OCLN: variants seen among roughly 807,000 people sequenced by gnomAD.
The protein encoded by OCLN is occludin.
Under a neutral mutation model 47.9 loss-of-function variants are expected in OCLN, and 21 were observed. The ratio of observed to expected loss-of-function variants is 0.44; its 90% CI spans 0.31 to 0.63. The LOEUF (loss-of-function observed/expected upper bound fraction) is 0.63. Among genes scored for constraint, OCLN ranks in the 30% least tolerant of loss-of-function variants. OCLN has a pLI of 0.08. For synonymous variants in OCLN, 117 were observed against 198.4 expected, an observed-to-expected ratio of 0.59 and a Z score of 3.45; for missense variants, 360 against 571.0, an observed-to-expected ratio of 0.63 and a Z score of 3.77.
intron 4 of OCLN, among the ~76,000 whole-genome samples, chr5:69,533,919 C>G (rs910263812): frequency 1.3e-5 from 2 of 152,204 alleles, no homozygotes; most frequent in Admixed American, 6.5e-5. Flanking sequence ...CTCAGCCTCC[C>G]CAAGTGCTGG....
intron 1 of OCLN, among the ~76,000 whole-genome samples, chr5:69,501,146 A>T (rs1195689931): frequency 1.3e-5 from 2 of 152,062 alleles, no homozygotes; most frequent in African/African-American, 4.8e-5. Flanking sequence ...CGAACTCCTG[A>T]CCTAGGGTGA....
At chr5:69,499,003 T>TA (rs1162786948) in intron 1 of OCLN, among the ~76,000 whole-genome samples, 1 of 152,164 alleles carries the variant, frequency 6.6e-6, no homozygotes, top group East Asian at 1.9e-4. Context: ...AAATAATCTC[T>TA]AGTTATAATA....
intron 3 of OCLN, among the ~76,000 whole-genome samples, chr5:69,511,241 A>ATTTTT (rs56327483): frequency 7.0e-6 from 1 of 142,710 alleles, no homozygotes; most frequent in Non-Finnish European, 1.5e-5. Flanking sequence ...CGCCCAGCTA[A>ATTTTT]TTTTTTTTTT....
chr5:69,516,794 C>CA (rs1395219127), intron 4 of OCLN, among the ~76,000 whole-genome samples: 1 of 152,038 alleles, frequency 6.6e-6, no homozygotes, highest in Non-Finnish European at 1.5e-5. Flanking sequence ...TGGTGGCTCA[C>CA]ACTTGGAATC....
At chr5:69,510,301 T>C (rs1768743546) in intron 3 of OCLN, among the ~76,000 whole-genome samples, 1 of 152,214 alleles carries the variant, frequency 6.6e-6, no homozygotes. Flanking sequence ...CATTCTCTCA[T>C]TCCTTTTTAT....
intron 2 of OCLN, 142 bp from the exon 3 acceptor site, chr5:69,508,999 A>T (rs993052445): frequency 2.7e-6 from 2 of 742,986 alleles, no homozygotes; most frequent in African/African-American, 3.5e-5. Flanking sequence ...CTTATGTTTT[A>T]ACAAGCCCTC....
intron 4 of OCLN, chr5:69,530,688 A>G (rs1195738953): frequency 6.6e-6 from 1 of 152,150 alleles, no homozygotes; most frequent in African/African-American, 2.4e-5. Context: ...GTATTGTTCA[A>G]CTTTATATAT....
intron 4 of OCLN, among the ~76,000 whole-genome samples, chr5:69,516,570 A>T (rs1277252111): frequency 6.6e-6 from 1 of 152,216 alleles, no homozygotes; most frequent in Non-Finnish European, 1.5e-5. Context: ...TAACAGCATG[A>T]CAAACCACAG....
At chr5:69,515,132 G>A (rs1326319056) in intron 4 of OCLN, among the ~76,000 whole-genome samples, 182 of 139,482 alleles carry the variant, frequency 1.3e-3, no homozygotes, top group Middle Eastern at 7.9e-3. Context: ...CTCCTGGACC[G>A]GGCGGCTGGC....
At chr5:69,510,417 C>A (rs1768746819) in intron 3 of OCLN, among the ~76,000 whole-genome samples, 1 of 152,066 alleles carries the variant, frequency 6.6e-6, no homozygotes, top group South Asian at 2.1e-4. Flanking sequence ...CACGGTGGCT[C>A]ATGCTTGTAA....
intron 1 of OCLN, among the ~76,000 whole-genome samples, chr5:69,498,664 G>A (rs559674443): frequency 1.3e-4 from 19 of 151,912 alleles, no homozygotes; most frequent in Non-Finnish European, 2.9e-5. Context: ...TGGCCTAAAT[G>A]CTCTTGTATA....
intron 4 of OCLN, among the ~76,000 whole-genome samples, chr5:69,526,223 T>C (rs1163820334): frequency 1.3e-5 from 2 of 152,192 alleles, no homozygotes; most frequent in African/African-American, 2.4e-5. Flanking sequence ...TTAATGTAGC[T>C]GGTCTGGAGA....
chr5:69,530,189 T>C (rs1354442400), intron 4 of OCLN, among the ~76,000 whole-genome samples: 1 of 152,180 alleles, frequency 6.6e-6, no homozygotes, highest in Non-Finnish European at 1.5e-5. Flanking sequence ...AAAAAAAATC[T>C]TACTGTGAAA....
At chr5:69,503,846 G>A (rs1768522974) in intron 1 of OCLN, among the ~76,000 whole-genome samples, 2 of 152,130 alleles carry the variant, frequency 1.3e-5, no homozygotes, top group African/African-American at 4.8e-5. Context: ...GTATGTGCTA[G>A]TGCGGCTATA....
chr5:69,516,335 A>G (rs2112004454), intron 4 of OCLN, among the ~76,000 whole-genome samples: 1 of 152,314 alleles, frequency 6.6e-6, no homozygotes, highest in East Asian at 1.9e-4. Flanking sequence ...TCTCCACCAA[A>G]AAAATAAGAA....
intron 4 of OCLN, among the ~76,000 whole-genome samples, chr5:69,515,600 T>C (rs1416852204): frequency 1.7e-5 from 2 of 115,774 alleles, no homozygotes; most frequent in Admixed American, 1.8e-4. Flanking sequence ...CCCCCCCACC[T>C]CCCTCCCGGA....
intron 6 of OCLN, among the ~76,000 whole-genome samples, chr5:69,547,525 T>G (rs1327116889): frequency 1.6e-5 from 2 of 127,666 alleles, no homozygotes; most frequent in Non-Finnish European, 3.3e-5. Flanking sequence ...GAGCCGAGAT[T>G]GTGCCACTGC....
At chr5:69,530,797 C>T (rs748249684) in intron 4 of OCLN, 4 of 152,310 alleles carry the variant, frequency 2.6e-5, no homozygotes, top group African/African-American at 7.2e-5. Context: ...AGTGGTCAAG[C>T]TAGTCCAGTT....
At chr5:69,522,788 C>T (rs1008217844) in intron 4 of OCLN, among the ~76,000 whole-genome samples, 3 of 150,954 alleles carry the variant, frequency 2.0e-5, no homozygotes, top group South Asian at 2.1e-4. Flanking sequence ...AGTGCAATGG[C>T]GCAATCATAG....
Sources: gnomAD v4.1 joint callset for allele counts (sites outside exome capture counted in the v4.1 genomes callset) on GRCh38, gnomAD v4.1.1 for gene constraint, MANE v1.5 for transcripts, NCBI Gene and HGNC (gene_info 2026-07-23, HGNC 2026-07-21) for gene names.